The following PLCL1 variants were observed in gnomAD, a reference collection of about 807,000 sequenced individuals.
The protein encoded by PLCL1 is inactive phospholipase C-like protein 1.
PLCL1 carries 41 observed loss-of-function variants against 84.4 expected under a neutral mutation model. That is an observed-to-expected ratio of 0.49 (90% CI 0.38 to 0.63). PLCL1 has a LOEUF of 0.63. Ranked by LOEUF, PLCL1 falls within the 30% of genes least tolerant of loss-of-function variation. PLCL1 has a pLI of 0.00. For synonymous variants in PLCL1, 490 were observed against 488.3 expected (o/e 1.00, Z -0.05); for missense variants, 1,206 against 1,367.8 (o/e 0.88, Z 1.87).
At chr2:198,091,488 T>C (rs1486455647) in intron 3 of PLCL1, among the ~76,000 whole-genome samples, 4 of 151,904 alleles carry the variant, frequency 2.6e-5, no homozygotes, top group Admixed American at 6.6e-5. Context: ...GAGACCAGCC[T>C]GGCCAACATA....
intron 1 of PLCL1, among the ~76,000 whole-genome samples, chr2:197,943,627 C>A (rs1203499954): frequency 8.4e-6 from 1 of 119,206 alleles, no homozygotes; most frequent in Non-Finnish European, 1.7e-5. Context: ...TTGGTTACAT[C>A]TTTTTTTTTT....
intron 1 of PLCL1, among the ~76,000 whole-genome samples, chr2:198,079,053 T>G (rs1340262033): frequency 1.3e-5 from 2 of 152,022 alleles, no homozygotes; most frequent in African/African-American, 4.8e-5. Flanking sequence ...ATGATTGAGA[T>G]CCAAAACTTG....
chr2:198,086,112 G>A lies in PLCL1; in HGVS notation c.2595G>A (p.Met865Ile). The change falls in exon 2 of 6, where the codon ATG becomes ATA. Residue 865 changes from methionine (M) to isoleucine (I), a missense_variant. Physicochemically the swap from Met to Ile is conservative, Grantham distance 10. Coordinates refer to ENST00000428675, the MANE Select transcript of PLCL1 (RefSeq NM_006226.4). ...KAQKRSLSVR[M>I]GKKVREYTML... Reference sequence around the variant, plus strand: ...AGAAGCGCAGTCTTTCAGTGAGAATGGGGAAGAAAGTTCGGGAATATACCA... The same window carrying A: ...AGAAGCGCAGTCTTTCAGTGAGAATAGGGAAGAAAGTTCGGGAATATACCA... 1.2e-6 allele frequency: 2 copies of A among 1,614,012 alleles called. No individual in the cohort carries two copies. Among genetic ancestry groups the A allele is most frequent in the African/African-American group, 2.7e-5 (2 of 75,014 alleles).
chr2:198,027,670 G>A (rs1267727683), intron 1 of PLCL1, among the ~76,000 whole-genome samples: 1 of 151,964 alleles, frequency 6.6e-6, no homozygotes, highest in African/African-American at 2.4e-5. Context: ...AATATTAGTA[G>A]AAAACTGATA....
In PLCL1 at chr2:197,850,031, G is replaced by GACACACACAC. The variant is rs5837563; in HGVS notation, c.240+44731_240+44740dup. ...ACACACAGACACACAGACACACACA[G>GACACACACAC]ACACACACACACACACACACACACA... On this transcript the variant is annotated intron_variant, in intron 1 of 5. Transcript: ENST00000428675. Among the ~76,000 whole-genome samples, 275 of 134,986 alleles carry GACACACACAC rather than the reference G, an allele frequency of 2.0e-3. 3 individuals are homozygous for GACACACACAC. Among genetic ancestry groups the GACACACACAC allele is most frequent in the African/African-American group, 5.8e-3 (215 of 36,954 alleles). The allele number at this position is 134,986 out of a possible 152,430, so 88.6% of individuals were successfully genotyped here. A position where few individuals can be genotyped will look rare whatever the true frequency, so the allele number is the denominator to read the frequency against.
chr2:197,941,060 C>CA (rs1487986286), intron 1 of PLCL1, among the ~76,000 whole-genome samples: 1 of 152,058 alleles, frequency 6.6e-6, no homozygotes, highest in Admixed American at 6.5e-5. Flanking sequence ...GCAGGGAGCC[C>CA]ATATCTTGCT....
intron 1 of PLCL1, among the ~76,000 whole-genome samples, chr2:197,815,761 C>T (rs570566812): frequency 3.9e-5 from 6 of 152,110 alleles, no homozygotes; most frequent in East Asian, 1.9e-4. Context: ...TTCAGGACTT[C>T]GGTGGGGGAA....
At chr2:197,884,438 A>G (rs1574930452) in intron 1 of PLCL1, among the ~76,000 whole-genome samples, 1 of 152,244 alleles carries the variant, frequency 6.6e-6, no homozygotes, top group East Asian at 1.9e-4. Flanking sequence ...ATTTAGCAAT[A>G]TAACCTCACG....
intron 5 of PLCL1, among the ~76,000 whole-genome samples, chr2:198,111,025 G>A (rs1388041834): frequency 1.3e-5 from 2 of 151,756 alleles, no homozygotes; most frequent in Non-Finnish European, 2.9e-5. Flanking sequence ...TTGAGAAACA[G>A]CAGGCAAAGT....
At chr2:197,957,427 T>C (rs553151376) in intron 1 of PLCL1, among the ~76,000 whole-genome samples, 1 of 152,192 alleles carries the variant, frequency 6.6e-6, no homozygotes, top group Admixed American at 6.5e-5. Flanking sequence ...TGGTGAAATC[T>C]CTTTTTTTGT....
intron 1 of PLCL1, among the ~76,000 whole-genome samples, chr2:197,961,309 C>G (rs187375352): frequency 6.6e-6 from 1 of 150,420 alleles, no homozygotes. Context: ...AGATTTTTTG[C>G]TTGGGAGGTG....
chr2:198,009,273 A>C (rs954602890), intron 1 of PLCL1, among the ~76,000 whole-genome samples: 3 of 151,956 alleles, frequency 2.0e-5, no homozygotes, highest in Non-Finnish European at 4.4e-5. Flanking sequence ...CAAAGTCCTG[A>C]GGCTTTACCC....
chr2:198,001,128 A>G (rs941424001), intron 1 of PLCL1, among the ~76,000 whole-genome samples: 1 of 152,164 alleles, frequency 6.6e-6, no homozygotes, highest in Non-Finnish European at 1.5e-5. Context: ...GAGGTAACCT[A>G]CATAGAATAC....
intron 1 of PLCL1, among the ~76,000 whole-genome samples, chr2:198,049,283 T>C (rs1691874037): frequency 6.6e-6 from 1 of 152,194 alleles, no homozygotes; most frequent in Admixed American, 6.5e-5. Flanking sequence ...ATAAATCCTC[T>C]CTCATAATAG....
At chr2:197,970,407 G>C (rs765574432) in intron 1 of PLCL1, among the ~76,000 whole-genome samples, 3 of 152,110 alleles carry the variant, frequency 2.0e-5, no homozygotes, top group Non-Finnish European at 4.4e-5. Context: ...TGTCACAATG[G>C]CAATTAAATC....
chr2:198,025,610 C>A (rs1047959064), intron 1 of PLCL1, among the ~76,000 whole-genome samples: 1 of 152,038 alleles, frequency 6.6e-6, no homozygotes. Context: ...TAATACCTAA[C>A]AGAAATCAAT....
chr2:197,980,899 T>C (rs16826320), intron 1 of PLCL1, among the ~76,000 whole-genome samples: 27,531 of 152,118 alleles, frequency 0.18, 2,586 homozygotes, highest in East Asian at 0.26. Flanking sequence ...TTTGCAGTTA[T>C]AATGGAGCTG....
At chr2:197,977,774 C>T (rs886940920) in intron 1 of PLCL1, among the ~76,000 whole-genome samples, 1 of 152,144 alleles carries the variant, frequency 6.6e-6, no homozygotes, top group African/African-American at 2.4e-5. Context: ...CCATTAAGAC[C>T]TGGCCCTGGA....
At chr2:198,020,840 G>A (rs963235139) in intron 1 of PLCL1, among the ~76,000 whole-genome samples, 32 of 152,042 alleles carry the variant, frequency 2.1e-4, no homozygotes, top group African/African-American at 7.5e-4. Flanking sequence ...ACTGATCAAC[G>A]AGGCAGAAAA....
Sources: gnomAD v4.1 joint callset for allele counts (sites outside exome capture counted in the v4.1 genomes callset) on GRCh38, gnomAD v4.1.1 for gene constraint, MANE v1.5 for transcripts, NCBI Gene and HGNC (gene_info 2026-07-23, HGNC 2026-07-21) for gene names.